SEZ6L: variants seen among roughly 807,000 people sequenced by gnomAD.
SEZ6L encodes seizure related 6 homolog like.
A neutral mutation model predicts 106.2 loss-of-function variants in SEZ6L; 37 were observed. The observed-to-expected ratio is 0.35, with a 90% confidence interval of 0.27 to 0.46. The LOEUF is 0.46. Ranked by LOEUF, SEZ6L falls within the 20% of genes least tolerant of loss-of-function variation. The pLI is 1.00. For missense variants in SEZ6L, 1,172 were observed against 1,332.8 expected (o/e 0.88, Z 1.88); for synonymous variants, 541 against 570.4 (o/e 0.95, Z 0.73).
intron 1 of SEZ6L, among the ~76,000 whole-genome samples, chr22:26,256,541 C>T (rs775027336): frequency 7.2e-5 from 11 of 152,214 alleles, no homozygotes; most frequent in Non-Finnish European, 1.5e-4. Flanking sequence ...ACACAGATGC[C>T]TCAGTGCCAC....
intron 10 of SEZ6L, among the ~76,000 whole-genome samples, chr22:26,347,428 T>C (rs2083044891): frequency 6.6e-6 from 1 of 151,754 alleles, no homozygotes; most frequent in African/African-American, 2.4e-5. Context: ...AAAGTGATTG[T>C]CCCCCCGTCA....
chr22:26,250,524 T>C (rs1280922340), intron 1 of SEZ6L, among the ~76,000 whole-genome samples: 2 of 152,202 alleles, frequency 1.3e-5, no homozygotes, highest in African/African-American at 4.8e-5. Context: ...GGTCTATGTA[T>C]CTGTTTTTAT....
chr22:26,285,425 T>C (rs901136396), intron 1 of SEZ6L, among the ~76,000 whole-genome samples: 1 of 152,172 alleles, frequency 6.6e-6, no homozygotes. Context: ...GTTCCAGGAA[T>C]TGGGAAGGAA....
intron 12 of SEZ6L, among the ~76,000 whole-genome samples, chr22:26,355,355 A>G (rs2083407673): frequency 6.6e-6 from 1 of 152,244 alleles, no homozygotes; most frequent in African/African-American, 2.4e-5. Context: ...TCTGCAGTTC[A>G]GCTTTTGGGC....
chr22:26,174,867 C>T (rs1464057836), intron 1 of SEZ6L, among the ~76,000 whole-genome samples: 1 of 152,160 alleles, frequency 6.6e-6, no homozygotes, highest in Non-Finnish European at 1.5e-5. Context: ...TGATTTTGTG[C>T]CAAGCCTTAT....
Position 26,169,629 on chromosome 22 carries a change from C to A in SEZ6L, c.-41C>A. The A allele has an allele frequency of 1.3e-6, 1 of 782,698 alleles. No homozygotes were observed. Among genetic ancestry groups the A allele is most frequent in the South Asian group, 2.8e-5 (1 of 36,254 alleles). 48.5% of individuals were successfully genotyped at this position (782,698 alleles called of 1,614,324 possible). Reference sequence around the variant, plus strand: ...CCTTCCCCAGCTCCCTCGCCGTCCGCCCGCCCCACAGCCAGCGGCTCCGCG... The same window carrying A: ...CCTTCCCCAGCTCCCTCGCCGTCCGACCGCCCCACAGCCAGCGGCTCCGCG... On this transcript the variant is annotated 5_prime_UTR_variant, in exon 1 of 17. Transcript: ENST00000248933.
At chr22:26,251,513 A>G (rs2145794674) in intron 1 of SEZ6L, among the ~76,000 whole-genome samples, 1 of 152,346 alleles carries the variant, frequency 6.6e-6, no homozygotes, top group East Asian at 1.9e-4. Flanking sequence ...AAGCTACTTC[A>G]GGGCCTGTAA....
chr22:26,214,344 T>C (rs1282652672), intron 1 of SEZ6L, among the ~76,000 whole-genome samples: 5 of 152,270 alleles, frequency 3.3e-5, no homozygotes, highest in Admixed American at 6.5e-5. Context: ...AGTAGATGCA[T>C]GTGAAGTATT....
At chr22:26,203,659 C>G (rs902409791) in intron 1 of SEZ6L, among the ~76,000 whole-genome samples, 3 of 152,134 alleles carry the variant, frequency 2.0e-5, no homozygotes, top group Non-Finnish European at 4.4e-5. Context: ...TACAACAACT[C>G]TAGAATATGG....
intron 1 of SEZ6L, among the ~76,000 whole-genome samples, chr22:26,179,733 T>G (rs1939260773): frequency 1.3e-5 from 2 of 152,226 alleles, no homozygotes; most frequent in African/African-American, 4.8e-5. Flanking sequence ...CTCTCTTGCA[T>G]GCATCTGCTT....
intron 1 of SEZ6L, among the ~76,000 whole-genome samples, chr22:26,291,539 G>A (rs1601399942): frequency 6.6e-6 from 1 of 152,060 alleles, no homozygotes; most frequent in East Asian, 1.9e-4. Context: ...AACCACCATG[G>A]CACATGTTTA....
intron 9 of SEZ6L, among the ~76,000 whole-genome samples, chr22:26,321,476 C>T (rs1179068489): frequency 6.6e-6 from 1 of 152,156 alleles, no homozygotes; most frequent in Non-Finnish European, 1.5e-5. Flanking sequence ...TAAAGCTTTG[C>T]AGAAGGGAGC....
At chr22:26,353,510 A>G (rs540707141) in intron 12 of SEZ6L, among the ~76,000 whole-genome samples, 1 of 152,362 alleles carries the variant, frequency 6.6e-6, no homozygotes, top group East Asian at 1.9e-4. Context: ...ATACACACAT[A>G]CTAAACCTAG....
At chr22:26,348,628 GAA>G (rs1369189618) in intron 11 of SEZ6L, among the ~76,000 whole-genome samples, 1 of 29,262 alleles carries the variant, frequency 3.4e-5, no homozygotes, top group African/African-American at 2.3e-4. Context: ...AAGAAAGAAA[GAA>G]AGAAAGAAAG....
At chr22:26,317,275 G>A (rs1296862805) in intron 9 of SEZ6L, among the ~76,000 whole-genome samples, 1 of 152,046 alleles carries the variant, frequency 6.6e-6, no homozygotes, top group Non-Finnish European at 1.5e-5. Context: ...TCCAGCTTAT[G>A]AATTCCTTCC....
intron 1 of SEZ6L, among the ~76,000 whole-genome samples, chr22:26,236,984 C>G (rs2078975814): frequency 1.3e-5 from 2 of 152,174 alleles, no homozygotes; most frequent in African/African-American, 4.8e-5. Flanking sequence ...GCCTCGCTCT[C>G]AGTCTTCCCA....
Position 26,221,744 on chromosome 22 carries a change from A to G in SEZ6L, c.94+51981A>G, listed in dbSNP as rs895091080. 5.7e-3 allele frequency among the ~76,000 whole-genome samples: 732 copies of G among 129,490 alleles called. 3 individuals carry two copies. Among genetic ancestry groups the G allele is most frequent in the African/African-American group, 8.6e-3 (242 of 28,082 alleles). The allele number at this position is 129,490 out of a possible 152,430, so 85.0% of individuals were successfully genotyped here. On this transcript the variant is annotated intron_variant, in intron 1 of 16. Transcript: ENST00000248933. Reference sequence around the variant, plus strand: ...TTCATGCGCGTGCACACGCGTGCACACACACACACACACACACACACACAC... The same window carrying G: ...TTCATGCGCGTGCACACGCGTGCACGCACACACACACACACACACACACAC...
chr22:26,356,435 G>A lies in SEZ6L; in HGVS notation c.2599+5192G>A, dbSNP rs570746699. On this transcript the variant is annotated intron_variant, in intron 12 of 16. Transcript: ENST00000248933. ...GGCGGGCAGATTACCTGAGGTCAGG[G>A]GTTCGAGACCAGCCTGGCCAACATA... Among the ~76,000 whole-genome samples the A allele has an allele frequency of 1.6e-3, 250 of 151,646 alleles. 2 individuals carry two copies. The highest frequency in any genetic ancestry group is 2.4e-3 in the Admixed American group (37 of 15,230).
At chr22:26,223,603 G>C (rs2078548018) in intron 1 of SEZ6L, among the ~76,000 whole-genome samples, 1 of 147,056 alleles carries the variant, frequency 6.8e-6, no homozygotes, top group South Asian at 2.1e-4. Context: ...GTGTGTCCCT[G>C]AGAAAAAAAA....
Sources: allele counts gnomAD v4.1 joint callset (sites outside exome capture counted in the v4.1 genomes callset), GRCh38; gene constraint gnomAD v4.1.1; transcripts MANE v1.5; gene names NCBI Gene and HGNC (gene_info 2026-07-23, HGNC 2026-07-21).